ASTN2: variants seen among roughly 807,000 people sequenced by gnomAD.
The protein encoded by ASTN2 is astrotactin-2.
In ASTN2, 54 loss-of-function variants were observed where a neutral mutation model predicts 139.8. That is an observed-to-expected ratio of 0.39 (90% confidence interval 0.31 to 0.48). The LOEUF (loss-of-function observed/expected upper bound fraction) is 0.48. Ranked by LOEUF, ASTN2 falls within the 20% of genes least tolerant of loss-of-function variation. The pLI, the probability that ASTN2 is intolerant of heterozygous loss-of-function variation, is 0.95. For missense variants in ASTN2, 1,565 were observed against 1,725.1 expected, an observed-to-expected ratio of 0.91 and a Z score of 1.64; for synonymous variants, 756 against 719.5, an observed-to-expected ratio of 1.05 and a Z score of -0.81.
intron 7 of ASTN2, among the ~76,000 whole-genome samples, chr9:116,997,319 T>C (rs1289518508): frequency 2.0e-5 from 3 of 152,176 alleles, no homozygotes; most frequent in Non-Finnish European, 4.4e-5. Context: ...AAACATCTTC[T>C]ACAACATAAC....
At chr9:116,845,601 T>C (rs1157896358) in intron 11 of ASTN2, among the ~76,000 whole-genome samples, 1 of 152,186 alleles carries the variant, frequency 6.6e-6, no homozygotes, top group Non-Finnish European at 1.5e-5. Context: ...AAAAATGATA[T>C]ACAAACAGCC....
In ASTN2 at chr9:116,534,908, G is replaced by A. The variant is rs769205103; in HGVS notation, c.3356-47408C>T. On this transcript the variant is annotated intron_variant, in intron 19 of 22. Coordinates refer to ENST00000313400, the MANE Select transcript of ASTN2 (RefSeq NM_001365068.1). Reference sequence around the variant, plus strand: ...GGTGCAGAACTGAGTTTAATTCCTAGATACCCTTGTTAACTTTCTGTCTCA... The same window carrying A: ...GGTGCAGAACTGAGTTTAATTCCTAAATACCCTTGTTAACTTTCTGTCTCA... Among the ~76,000 whole-genome samples, 468 of 152,246 alleles carry A rather than the reference G, an allele frequency of 3.1e-3. 5 individuals are homozygous for A. Among genetic ancestry groups the A allele is most frequent in the Middle Eastern group, 0.017 (5 of 294 alleles).
At chr9:116,830,997 G>C (rs1831797240) in intron 11 of ASTN2, among the ~76,000 whole-genome samples, 1 of 151,932 alleles carries the variant, frequency 6.6e-6, no homozygotes, top group Admixed American at 6.6e-5. Context: ...ACACACCATG[G>C]AATACTACTA....
At chr9:116,439,207 T>C (rs1251728957) in intron 22 of ASTN2, among the ~76,000 whole-genome samples, 1 of 106,382 alleles carries the variant, frequency 9.4e-6, no homozygotes, top group Admixed American at 1.0e-4. Context: ...TTTTTTTTTT[T>C]TTTTTTTTTT....
At chr9:116,742,720 G>A (rs1829126831) in intron 13 of ASTN2, among the ~76,000 whole-genome samples, 1 of 151,906 alleles carries the variant, frequency 6.6e-6, no homozygotes, top group Admixed American at 6.6e-5. Context: ...AGGGTAAAGG[G>A]GATAAAACTG....
At chr9:117,311,801 A>G (rs1827983942) in intron 1 of ASTN2, among the ~76,000 whole-genome samples, 1 of 152,174 alleles carries the variant, frequency 6.6e-6, no homozygotes, top group Non-Finnish European at 1.5e-5. Flanking sequence ...TACGTGGCCC[A>G]CAGTAGATGC....
At chr9:116,681,055 A>G (rs181749773) in intron 16 of ASTN2, among the ~76,000 whole-genome samples, 1 of 152,184 alleles carries the variant, frequency 6.6e-6, no homozygotes, top group Non-Finnish European at 1.5e-5. Flanking sequence ...AATAAAGGGT[A>G]TTCAATTAGG....
rs111920241 is a variant in ASTN2 at position 117,408,706 on chromosome 9, T to A, written c.442+5791A>T. Among the ~76,000 whole-genome samples, 6 of 152,168 alleles carry A rather than the reference T, an allele frequency of 3.9e-5. No homozygotes were observed. In the South Asian group the frequency reaches 1.0e-3, roughly 26 times the overall value. The stretch of plus-strand genomic sequence containing the variant: ...GCCAAAGCTTGCAGATCTGCCTAGG[T>A]TGGTATCACTGACCCCCCAAGAAAC... On this transcript the variant is annotated intron_variant, in intron 1 of 22. Transcript: ENST00000313400.
intron 16 of ASTN2, among the ~76,000 whole-genome samples, chr9:116,715,869 G>T (rs1828298463): frequency 1.3e-5 from 2 of 152,160 alleles, no homozygotes; most frequent in African/African-American, 2.4e-5. Flanking sequence ...GCCCCCTGGG[G>T]TGTGGTATCT....
intron 12 of ASTN2, among the ~76,000 whole-genome samples, chr9:116,812,374 G>A (rs990310740): frequency 2.7e-5 from 4 of 150,284 alleles, no homozygotes; most frequent in Non-Finnish European, 5.9e-5. Flanking sequence ...GGAGATAAGC[G>A]TGTTAGTCAG....
intron 10 of ASTN2, among the ~76,000 whole-genome samples, chr9:116,883,311 A>G (rs1398566488): frequency 1.3e-5 from 2 of 152,246 alleles, no homozygotes; most frequent in Admixed American, 6.5e-5. Context: ...ATGAATGCAC[A>G]TGCCCATATA....
intron 5 of ASTN2, among the ~76,000 whole-genome samples, chr9:117,079,823 T>C (rs1166033662): frequency 6.6e-6 from 1 of 152,258 alleles, no homozygotes; most frequent in African/African-American, 2.4e-5. Flanking sequence ...AAACACAGTC[T>C]CCTCCTGTAT....
intron 4 of ASTN2, among the ~76,000 whole-genome samples, chr9:117,138,909 A>C (rs545028888): frequency 6.6e-6 from 1 of 152,242 alleles, no homozygotes; most frequent in African/African-American, 2.4e-5. Context: ...TCATGATGAA[A>C]TATTAGGAGC....
chr9:116,466,667 C>T (rs572029067), intron 20 of ASTN2, among the ~76,000 whole-genome samples: 1 of 152,246 alleles, frequency 6.6e-6, no homozygotes, highest in South Asian at 2.1e-4. Context: ...ATGGACCCGG[C>T]TTTGTGCTTC....
At position 116,697,861 on chromosome 9, in the gene ASTN2, G is replaced by C. The variant is rs1159231558; in HGVS notation, c.2806+27910C>G. 1.2e-6 allele frequency: 2 copies of C among 1,614,050 alleles called. No homozygotes were observed. The highest frequency in any genetic ancestry group is 1.7e-6 in the Non-Finnish European group (2 of 1,180,040). On this transcript the variant is annotated intron_variant, in intron 16 of 22. Coordinates refer to ENST00000313400, the MANE Select transcript of ASTN2 (RefSeq NM_001365068.1). ...CTGCGTCCCAAGCTTCTGCACTGTG[G>C]CCATACCATCTGCCGCCAGTGCCTG...
intron 14 of ASTN2, among the ~76,000 whole-genome samples, chr9:116,732,593 C>CAG (rs1828816840): frequency 6.6e-6 from 1 of 152,176 alleles, no homozygotes; most frequent in African/African-American, 2.4e-5. Context: ...ATCACAAAGG[C>CAG]AGAGTCGAGA....
rs994505145 is a variant in ASTN2 at position 116,864,550 on chromosome 9, T to C, written c.1890-817A>G. On this transcript the variant is annotated intron_variant, in intron 10 of 22. Coordinates refer to ENST00000313400, the MANE Select transcript of ASTN2 (RefSeq NM_001365068.1). Reference sequence around the variant, plus strand: ...GGAGGATACAGATGGGAGCCTCTGATGCTGTCTTCTGCAGAAAGGGCCCGA... The same window carrying C: ...GGAGGATACAGATGGGAGCCTCTGACGCTGTCTTCTGCAGAAAGGGCCCGA... Among the ~76,000 whole-genome samples, 3 of 152,194 alleles carry C rather than the reference T, an allele frequency of 2.0e-5. No individual in the cohort carries two copies. In the East Asian group the frequency reaches 5.8e-4, roughly 29 times the overall value.
chr9:116,440,810 C>G lies in ASTN2; in HGVS notation c.3599-18G>C. On this transcript the variant is annotated intron_variant, in intron 21 of 22. Transcript: ENST00000313400. ...AGCTATTTCTGAGAGGGCAGAAGGGCAGAAACAGATCACTGGGTGGTGAAA... is the reference window on the plus strand; with the variant it reads ...AGCTATTTCTGAGAGGGCAGAAGGGGAGAAACAGATCACTGGGTGGTGAAA... The G allele has an allele frequency of 6.2e-7, 1 of 1,605,474 alleles. No homozygotes were observed. Among genetic ancestry groups the G allele is most frequent in the Non-Finnish European group, 8.5e-7 (1 of 1,173,050 alleles).
intron 4 of ASTN2, among the ~76,000 whole-genome samples, chr9:117,120,348 A>G (rs758629367): frequency 3.9e-5 from 6 of 152,104 alleles, no homozygotes; most frequent in Non-Finnish European, 5.9e-5. Flanking sequence ...TTCACCAACC[A>G]AAGGAGAGCC....
Sources: allele counts gnomAD v4.1 joint callset (sites outside exome capture counted in the v4.1 genomes callset), GRCh38; gene constraint gnomAD v4.1.1; transcripts MANE v1.5; gene names NCBI Gene and HGNC (gene_info 2026-07-23, HGNC 2026-07-21).